The following AKAP8 variants were observed in gnomAD, a reference collection of about 807,000 sequenced individuals.
AKAP8 encodes the protein A-kinase anchor protein 8.
In AKAP8, 24 loss-of-function variants were observed where a neutral mutation model predicts 67.5. The observed-to-expected ratio is 0.36, with a 90% CI of 0.26 to 0.50. The LOEUF (loss-of-function observed/expected upper bound fraction) is 0.50. Among genes scored for constraint, AKAP8 ranks in the 20% least tolerant of loss-of-function variants. AKAP8 has a pLI of 0.97. For synonymous variants in AKAP8, 400 were observed against 371.1 expected (o/e 1.08, Z -0.90); for missense variants, 971 against 955.9 (o/e 1.02, Z -0.21).
intron 7 of AKAP8, among the ~76,000 whole-genome samples, chr19:15,370,840 C>A (rs1568427647): frequency 6.6e-6 from 1 of 152,034 alleles, no homozygotes; most frequent in African/African-American, 2.4e-5. Flanking sequence ...CCATATTGGC[C>A]AGGATGGTCT....
intron 9 of AKAP8, among the ~76,000 whole-genome samples, chr19:15,367,118 G>A (rs926104168): frequency 1.3e-5 from 2 of 152,162 alleles, no homozygotes; most frequent in Non-Finnish European, 2.9e-5. Context: ...TATTGACCAG[G>A]CTGGTCTTGA....
chr19:15,372,162 A>AG, intron 6 of AKAP8, 56 bp downstream of exon 6: 7 of 1,609,648 alleles, frequency 4.3e-6, no homozygotes, highest in Non-Finnish European at 5.9e-6. Flanking sequence ...CAGAGCCCCC[A>AG]GCAGGCAGCC....
chr19:15,372,019 A>C, intron 6 of AKAP8, 21 bp from the exon 7 acceptor site: 1 of 1,613,996 alleles, frequency 6.2e-7, no homozygotes, highest in African/African-American at 1.3e-5. Context: ...CAAAGAAAGG[A>C]AAAGTCAGTC....
In AKAP8 at chr19:15,355,175, C is replaced by T. The variant is rs374086322; in HGVS notation, c.1819G>A (p.Glu607Lys). ...GCCTCCGCTGTGTCCGTGGGGCCTT[C>T]GTCCTCAGCCGGCTCCCCGCTGCTC... ...PESSGEPAED[E>K]GPTDTAEAGS... Residue 607 changes from glutamate (E) to lysine (K), a missense_variant, in exon 14 of 14, where the codon GAA becomes AAA. Around this residue, in one of 3 missense-constraint regions of AKAP8, gnomAD observed 204 missense variants for 193.0 expected, o/e 1.06. Coordinates refer to ENST00000269701, the MANE Select transcript of AKAP8 (RefSeq NM_005858.4). 8 of 1,612,152 alleles carry T rather than the reference C, an allele frequency of 5.0e-6. No individual in the cohort carries two copies. The African/African-American group carries it at 8.0e-5, about 16-fold the overall frequency.
intron 1 of AKAP8, among the ~76,000 whole-genome samples, chr19:15,377,338 A>G (rs1967270254): frequency 6.6e-6 from 1 of 152,200 alleles, no homozygotes; most frequent in Admixed American, 6.5e-5. Flanking sequence ...TCCACTCAGC[A>G]TGAGGACACG....
intron 1 of AKAP8, among the ~76,000 whole-genome samples, chr19:15,377,766 C>T (rs1044458333): frequency 6.6e-6 from 1 of 152,224 alleles, no homozygotes; most frequent in African/African-American, 2.4e-5. Context: ...CCGCGCCAGG[C>T]CCTTCCTGCC....
intron 1 of AKAP8, chr19:15,379,359 C>A (rs1967326218): frequency 3.4e-6 from 1 of 295,392 alleles, no homozygotes; most frequent in African/African-American, 2.2e-5. Context: ...AAGAGGAAGC[C>A]GGGAGTGCAA....
At chr19:15,373,591 C>T (rs960385735) in intron 4 of AKAP8, 195 bp downstream of exon 4, 13 of 920,076 alleles carry the variant, frequency 1.4e-5, no homozygotes, top group Admixed American at 5.9e-5. Flanking sequence ...CCAACAACCA[C>T]GCCCAAGCCC....
At chr19:15,372,050 G>A (rs758046161) in intron 6 of AKAP8, 52 bp from the exon 7 acceptor site, 106 of 1,612,290 alleles carry the variant, frequency 6.6e-5, no homozygotes, top group Non-Finnish European at 8.5e-5. Context: ...GGTCCCATCC[G>A]GTTTCCGCCC....
At position 15,360,770 on chromosome 19, in the gene AKAP8, A is replaced by G; in HGVS notation, c.1527+78T>C. 7 of 1,506,684 alleles carry G rather than the reference A, an allele frequency of 4.6e-6. 1 individual carries two copies. Among genetic ancestry groups the G allele is most frequent in the Non-Finnish European group, 6.3e-6 (7 of 1,118,706 alleles). 93.3% of individuals were successfully genotyped at this position (1,506,684 alleles called of 1,614,324 possible). On this transcript the variant is annotated intron_variant, in intron 12 of 13. Coordinates refer to ENST00000269701, the MANE Select transcript of AKAP8 (RefSeq NM_005858.4). ...AGCAAGAACCCCTAAAGATGTTGTT[A>G]TTCCCCATAAGACACAGCAGGCTCT...
rs1437694946 is a variant in AKAP8, at chr19:15,354,158, T to C, written c.*757A>G. The C allele has an allele frequency of 6.6e-6, 1 of 152,076 alleles. No homozygotes were observed. Among genetic ancestry groups the C allele is most frequent in the East Asian group, 1.9e-4 (1 of 5,196 alleles). The allele number at this position is 152,076 out of a possible 1,614,324, so 9.4% of individuals were successfully genotyped here. Reference sequence around the variant, plus strand: ...ATCACCGTGCCTGGCCAAATTCTCTTTGTAAATACATTTGAGTGGTAGTAA... The same window carrying C: ...ATCACCGTGCCTGGCCAAATTCTCTCTGTAAATACATTTGAGTGGTAGTAA... On this transcript the variant is annotated 3_prime_UTR_variant, in exon 14 of 14. Coordinates refer to ENST00000269701, the MANE Select transcript of AKAP8 (RefSeq NM_005858.4).
intron 1 of AKAP8, 72 bp from the exon 2 acceptor site, chr19:15,377,086 A>AGGG: frequency 6.5e-7 from 1 of 1,529,150 alleles, no homozygotes; most frequent in South Asian, 1.2e-5. Context: ...GGGTACTCCT[A>AGGG]AAGGGATCTC....
chr19:15,379,677 TC>T, intron 1 of AKAP8, 35 bp downstream of exon 1: 2 of 1,601,232 alleles, frequency 1.2e-6, no homozygotes, highest in African/African-American at 1.4e-5. Context: ...CACAGAGCCT[TC>T]CCTCCCCGCT....
intron 9 of AKAP8, among the ~76,000 whole-genome samples, chr19:15,366,745 G>A (rs1967077190): frequency 6.6e-6 from 1 of 152,116 alleles, no homozygotes; most frequent in African/African-American, 2.4e-5. Context: ...GAGCAGCGGG[G>A]AATACAGGCA....
Position 15,369,108 on chromosome 19 carries a change from C to T in AKAP8, c.1073-786G>A, listed in dbSNP as rs554596278. 14 of 985,424 alleles carry T rather than the reference C, an allele frequency of 1.4e-5. No homozygotes were observed. Among genetic ancestry groups the T allele is most frequent in the East Asian group, 1.1e-4 (1 of 8,798 alleles). The allele number at this position is 985,424 out of a possible 1,614,324, so 61.0% of individuals were successfully genotyped here. A position where few individuals can be genotyped will look rare whatever the true frequency, so the allele number is the denominator to read the frequency against. On this transcript the variant is annotated intron_variant, in intron 8 of 13. Transcript: ENST00000269701. This position sits in a 1 kb window ranked among gnomAD's most constrained non-coding sequence, Gnocchi z 4.6. Reference sequence around the variant, plus strand: ...GAGACTGTCCCACGAAGATGGCGACCGGCGTGCGCTGCTCAGAAGCCTCTC... The same window carrying T: ...GAGACTGTCCCACGAAGATGGCGACTGGCGTGCGCTGCTCAGAAGCCTCTC...
intron 11 of AKAP8, 75 bp from the exon 12 acceptor site, chr19:15,361,053 C>T (rs549245685): frequency 1.0e-5 from 16 of 1,540,234 alleles, no homozygotes; most frequent in African/African-American, 4.1e-5. Flanking sequence ...TCTGGGCCCA[C>T]GTTTTCTCCC....
chr19:15,355,107 C>T lies in AKAP8; in HGVS notation c.1887G>A (p.Val629=), dbSNP rs769723956. The change falls in exon 14 of 14, where the codon GTG becomes GTA. Residue 629 remains valine (V), a synonymous_variant. Transcript: ENST00000269701. Reference sequence around the variant, plus strand: ...CCTTCTCATGTGCCGTTCCACAGGGCACCTGCTCTTCCAGCAGCTGTTCGG... The same window carrying T: ...CCTTCTCATGTGCCGTTCCACAGGGTACCTGCTCTTCCAGCAGCTGTTCGG... ...PQAEQLLEEQ[V]PCGTAHEKGV... is the part of the protein sequence containing the mutation. 8 of 1,613,848 alleles carry T rather than the reference C, an allele frequency of 5.0e-6. No homozygotes were observed. The South Asian group carries it at 8.8e-5, about 18-fold the overall frequency.
At chr19:15,358,640 G>A (rs911138999) in intron 13 of AKAP8, among the ~76,000 whole-genome samples, 1 of 152,080 alleles carries the variant, frequency 6.6e-6, no homozygotes, top group Non-Finnish European at 1.5e-5. Context: ...AGCTTCCCGA[G>A]TAGGGCTAGC....
intron 13 of AKAP8, among the ~76,000 whole-genome samples, chr19:15,358,071 G>A (rs774560296): frequency 3.9e-5 from 6 of 152,120 alleles, no homozygotes; most frequent in Non-Finnish European, 5.9e-5. Flanking sequence ...ACTGAGAGGA[G>A]GGCAAAGGTC....
Sources: allele counts gnomAD v4.1 joint callset (sites outside exome capture counted in the v4.1 genomes callset), GRCh38; gene constraint gnomAD v4.1.1; regional missense constraint gnomAD v4.1.1; non-coding constraint Gnocchi (gnomAD v3.1); transcripts MANE v1.5; gene names NCBI Gene and HGNC (gene_info 2026-07-23, HGNC 2026-07-21).